The following ABCD2 variants were observed in gnomAD, a reference collection of about 807,000 sequenced individuals.
ABCD2 encodes ATP binding cassette subfamily D member 2.
In ABCD2, 36 loss-of-function variants were observed where a neutral mutation model predicts 70.9. That is an observed-to-expected ratio of 0.51 (90% confidence interval 0.39 to 0.67). The LOEUF (loss-of-function observed/expected upper bound fraction) is 0.67, where lower values mean the gene tolerates loss of function less well. Ranked by LOEUF, ABCD2 falls within the 30% of genes least tolerant of loss-of-function variation. The probability of loss-of-function intolerance (pLI) is 0.00; values close to 1 mark genes in which losing one functional copy is unlikely to be tolerated. For missense variants in ABCD2, 729 were observed against 890.2 expected, an observed-to-expected ratio of 0.82 and a Z score of 2.30; for synonymous variants, 304 against 306.9, an observed-to-expected ratio of 0.99 and a Z score of 0.10.
downstream of ABCD2, among the ~76,000 whole-genome samples, chr12:39,546,101 ATAT>A (rs1941023073): frequency 1.3e-5 from 2 of 152,168 alleles, no homozygotes; most frequent in African/African-American, 4.8e-5. Context: ...GATGAAATAA[ATAT>A]TATGAAATTC....
intron 9 of ABCD2, among the ~76,000 whole-genome samples, chr12:39,560,181 C>A (rs867946188): frequency 6.6e-6 from 1 of 152,090 alleles, no homozygotes; most frequent in African/African-American, 2.4e-5. Flanking sequence ...CCACAACAGG[C>A]CCCGGTGTGT....
chr12:39,564,485 T>C (rs897311832), intron 9 of ABCD2, among the ~76,000 whole-genome samples: 2 of 152,208 alleles, frequency 1.3e-5, no homozygotes, highest in Non-Finnish European at 2.9e-5. Context: ...TGTTTGTTTT[T>C]TTCTTGTAAA....
chr12:39,593,460 A>G (rs1941773575), intron 6 of ABCD2, among the ~76,000 whole-genome samples: 1 of 152,088 alleles, frequency 6.6e-6, no homozygotes, highest in Non-Finnish European at 1.5e-5. Context: ...CTATGTTGCC[A>G]GGGCTAACCT....
At chr12:39,540,682 C>CA in the ABCD2 span, among the ~76,000 whole-genome samples, 292 of 152,310 alleles carry the variant, frequency 1.9e-3, 3 homozygotes, top group African/African-American at 6.8e-3. Flanking sequence ...CTTTGGTCTC[C>CA]ACAATCTTTT....
intron 9 of ABCD2, among the ~76,000 whole-genome samples, chr12:39,572,465 T>C (rs562245044): frequency 7.2e-5 from 11 of 152,268 alleles, no homozygotes; most frequent in African/African-American, 2.2e-4. Flanking sequence ...GGATCCTAAC[T>C]CATGCTGGAC....
chr12:39,563,034 A>G (rs1228965170), intron 9 of ABCD2, among the ~76,000 whole-genome samples: 3 of 152,170 alleles, frequency 2.0e-5, no homozygotes, highest in Non-Finnish European at 4.4e-5. Flanking sequence ...AATGTGGTAC[A>G]TAACATTAAC....
intron 8 of ABCD2, among the ~76,000 whole-genome samples, chr12:39,578,284 C>G (rs1009600664): frequency 1.3e-4 from 20 of 152,042 alleles, no homozygotes; most frequent in Non-Finnish European, 2.2e-4. Flanking sequence ...ACCATCCTGG[C>G]TAACACGGTG....
chr12:39,557,154 G>C (rs1240290020), intron 9 of ABCD2, among the ~76,000 whole-genome samples: 1 of 152,172 alleles, frequency 6.6e-6, no homozygotes, highest in Non-Finnish European at 1.5e-5. Context: ...AATATGAGCA[G>C]TGAAGGCCAG....
chr12:39,561,946 A>T (rs1941266158), intron 9 of ABCD2, among the ~76,000 whole-genome samples: 2 of 152,164 alleles, frequency 1.3e-5, no homozygotes, highest in African/African-American at 2.4e-5. Context: ...ATGCCATAAA[A>T]CAAGTCTTCA....
At chr12:39,556,887 G>A (rs1302175708) in intron 9 of ABCD2, among the ~76,000 whole-genome samples, 1 of 151,970 alleles carries the variant, frequency 6.6e-6, no homozygotes, top group African/African-American at 2.4e-5. Flanking sequence ...AGGAGGCTGA[G>A]GCAGGGAATT....
At chr12:39,596,752 G>A (rs1198054927) in intron 6 of ABCD2, among the ~76,000 whole-genome samples, 1 of 152,130 alleles carries the variant, frequency 6.6e-6, no homozygotes, top group African/African-American at 2.4e-5. Context: ...TTCTGCCAAG[G>A]AAGCGTAGGT....
the ABCD2 span, among the ~76,000 whole-genome samples, chr12:39,534,924 GAAA>G: frequency 5.1e-5 from 5 of 97,160 alleles, no homozygotes; most frequent in Non-Finnish European, 7.8e-5. Flanking sequence ...AAGAAAGAAA[GAAA>G]GAAAGAAAGA....
At chr12:39,543,664 T>C in the ABCD2 span, among the ~76,000 whole-genome samples, 1 of 152,218 alleles carries the variant, frequency 6.6e-6, no homozygotes, top group Non-Finnish European at 1.5e-5. Flanking sequence ...AGAAAGTCCA[T>C]ACAATTTCAG....
rs1171782306 is a variant in ABCD2, at chr12:39,604,771, C to T, written c.1396G>A (p.Ala466Thr). 3.8e-6 allele frequency: 6 copies of T among 1,592,946 alleles called. No individual in the cohort carries two copies. The highest frequency in any genetic ancestry group is 4.3e-6 in the Non-Finnish European group (5 of 1,173,032). The change falls in exon 4 of 10, where the codon GCA becomes ACA. Residue 466 changes from alanine to threonine, a missense_variant. By Grantham distance (58) the Ala-to-Thr change is moderately conservative. Around this residue, in one of 3 missense-constraint regions of ABCD2, gnomAD observed 195 missense variants for 300.2 expected, o/e 0.65. Transcript: ENST00000308666. ...CACTTGAGTTTAATACCTTTAATTG[C>T]CAATGTGTCACTGAGAGGTAATTCT... ...KVELPLSDTL[A>T]IKGKVIDVDH...
chr12:39,601,202 T>C (rs977694129), intron 5 of ABCD2, among the ~76,000 whole-genome samples: 3 of 151,980 alleles, frequency 2.0e-5, no homozygotes, highest in Non-Finnish European at 4.4e-5. Flanking sequence ...CAGTCTGAAA[T>C]GCTACAAAAA....
intron 2 of ABCD2, among the ~76,000 whole-genome samples, chr12:39,613,125 G>A (rs12312247): frequency 1.1e-5 from 1 of 87,644 alleles, no homozygotes; most frequent in Admixed American, 9.5e-5. Context: ...GGTGGCTCAC[G>A]CCTGTAATCC....
the ABCD2 span, among the ~76,000 whole-genome samples, chr12:39,532,859 G>A: frequency 6.6e-6 from 1 of 152,032 alleles, no homozygotes; most frequent in Non-Finnish European, 1.5e-5. Context: ...TATACATGTT[G>A]GTATGAAAAT....
rs1942057872 is a variant in ABCD2 at position 39,612,438 on chromosome 12, C to T, written c.1120+4550G>A. 3.3e-5 allele frequency among the ~76,000 whole-genome samples: 5 copies of T among 152,118 alleles called. No individual in the cohort carries two copies. In the South Asian group the frequency reaches 1.0e-3, roughly 32 times the overall value. On this transcript the variant is annotated intron_variant, in intron 2 of 9. Transcript: ENST00000308666. ...TATACTCAGTAACACTGATGAAGCT[C>T]ATAAGCATAATACTGAGTCAAAGAA...
downstream of ABCD2, among the ~76,000 whole-genome samples, chr12:39,547,352 T>C (rs76201020): frequency 0.022 from 3,379 of 152,142 alleles, 59 homozygotes; most frequent in Non-Finnish European, 0.036. Context: ...ACTGAAAACA[T>C]GGTCTCAAAG....
Sources: gnomAD v4.1 joint callset for allele counts (sites outside exome capture counted in the v4.1 genomes callset) on GRCh38, gnomAD v4.1.1 for gene constraint, gnomAD v4.1.1 regional missense constraint, MANE v1.5 for transcripts, NCBI Gene and HGNC (gene_info 2026-07-23, HGNC 2026-07-21) for gene names.